Variants in SLC15A4 observed in about 807,000 individuals in gnomAD.
SLC15A4 encodes solute carrier family 15 member 4.
In SLC15A4, 26 loss-of-function variants were observed where a neutral mutation model predicts 46.1. The observed-to-expected ratio is 0.56, with a 90% CI of 0.41 to 0.78. SLC15A4 has a LOEUF of 0.78. Among genes scored for constraint, SLC15A4 ranks in the 30% least tolerant of loss-of-function variants. SLC15A4 has a pLI of 0.00. For missense variants in SLC15A4, 751 were observed against 755.7 expected, an observed-to-expected ratio of 0.99 and a Z score of 0.07; for synonymous variants, 370 against 333.4, an observed-to-expected ratio of 1.11 and a Z score of -1.20.
intron 7 of SLC15A4, among the ~76,000 whole-genome samples, chr12:128,797,703 T>C (rs546561932): frequency 6.6e-6 from 1 of 152,332 alleles, no homozygotes; most frequent in East Asian, 1.9e-4. Context: ...CCCCGGAACC[T>C]GGCCTGAGAG....
At position 128,800,942 on chromosome 12, in the gene SLC15A4, G is replaced by C; in HGVS notation, c.1326C>G (p.Val442=). 1 of 1,614,104 alleles carries C rather than the reference G, an allele frequency of 6.2e-7. No individual in the cohort carries two copies. Among genetic ancestry groups the C allele is most frequent in the Non-Finnish European group, 8.5e-7 (1 of 1,179,948 alleles). ...GCGACAGATCGGCAGCATGGTAGAC[G>C]ACGTTGCCGATGGTCTGATTAATGG... ...EKTINQTIGN[V]VYHAADLSLW... The change falls in exon 6 of 8, where the codon GTC becomes GTG. Residue 442 remains valine, a synonymous_variant. Coordinates refer to ENST00000266771, the MANE Select transcript of SLC15A4 (RefSeq NM_145648.4).
Position 128,810,009 on chromosome 12 carries a change from C to T in SLC15A4, c.945G>A (p.Val315=). Residue 315 remains valine (V), a synonymous_variant, in exon 3 of 8, where the codon GTG becomes GTA. Coordinates refer to ENST00000266771, the MANE Select transcript of SLC15A4 (RefSeq NM_145648.4). ...GPFTEEKVED[V]KALVKIVPVF... is the part of the protein sequence containing the mutation. Reference sequence around the variant, plus strand: ...CAGGGACAATCTTGACCAGAGCTTTCACATCTTCCACTTTCTCTTCTGTAA... The same window carrying T: ...CAGGGACAATCTTGACCAGAGCTTTTACATCTTCCACTTTCTCTTCTGTAA... 6.2e-7 allele frequency: 1 copy of T among 1,614,186 alleles called. No homozygotes were observed. The highest frequency in any genetic ancestry group is 8.5e-7 in the Non-Finnish European group (1 of 1,180,024).
intron 6 of SLC15A4, among the ~76,000 whole-genome samples, chr12:128,799,766 A>C (rs1955493067): frequency 6.6e-6 from 1 of 152,210 alleles, no homozygotes; most frequent in Non-Finnish European, 1.5e-5. Flanking sequence ...ATTGTCAAGG[A>C]ATGGGAGTTT....
intron 6 of SLC15A4, 44 bp downstream of exon 6, chr12:128,800,810 G>C (rs757285656): frequency 1.3e-6 from 2 of 1,571,390 alleles, no homozygotes; most frequent in Non-Finnish European, 1.7e-6. Context: ...GAGCGCTCAC[G>C]CTTGTGCCTG....
chr12:128,818,176 G>T (rs2135722805), intron 1 of SLC15A4, among the ~76,000 whole-genome samples: 1 of 152,026 alleles, frequency 6.6e-6, no homozygotes, highest in Non-Finnish European at 1.5e-5. Context: ...AAGAACGATT[G>T]TGACCTTTGA....
chr12:128,807,405 A>G lies in SLC15A4; in HGVS notation c.1258+1383T>C, dbSNP rs1566050245. Among the ~76,000 whole-genome samples, 5 of 152,344 alleles carry G rather than the reference A, an allele frequency of 3.3e-5. No individual in the cohort carries two copies. The East Asian group carries it at 9.6e-4, about 29-fold the overall frequency. On this transcript the variant is annotated intron_variant, in intron 5 of 7. Transcript: ENST00000266771. ...GGAAAGGAGCCCAAACCAAGTATCT[A>G]CTGGAAAAGCCTCCGGAAACCAAGG...
At chr12:128,815,203 T>C (rs1955734673) in intron 1 of SLC15A4, 133 bp from the exon 2 acceptor site, 2 of 838,010 alleles carry the variant, frequency 2.4e-6, no homozygotes, top group Admixed American at 5.1e-5. Flanking sequence ...CAAAATTGTG[T>C]TTACAGAAAC....
In SLC15A4 at chr12:128,794,392, C is replaced by G. The variant is rs373676845; in HGVS notation, c.1574-36G>C. On this transcript the variant is annotated intron_variant, in intron 7 of 7. Transcript: ENST00000266771. ...CAAAAGGAAAGCGGCAGGTAAGCTGCGCTGCTACAGGTATTTTTTCAAGAC... is the reference window on the plus strand; with the variant it reads ...CAAAAGGAAAGCGGCAGGTAAGCTGGGCTGCTACAGGTATTTTTTCAAGAC... 7.0e-5 allele frequency: 111 copies of G among 1,581,172 alleles called. 1 individual carries two copies. The South Asian group carries it at 1.2e-3, about 17-fold the overall frequency.
chr12:128,817,126 T>C (rs919371022), intron 1 of SLC15A4, among the ~76,000 whole-genome samples: 3 of 152,236 alleles, frequency 2.0e-5, no homozygotes, highest in Admixed American at 6.5e-5. Context: ...AAATCACTTA[T>C]TCTCAAGAGT....
At chr12:128,819,338 G>A (rs1008108481) in intron 1 of SLC15A4, among the ~76,000 whole-genome samples, 1 of 152,068 alleles carries the variant, frequency 6.6e-6, no homozygotes, top group Non-Finnish European at 1.5e-5. Flanking sequence ...AGGAGGCAGA[G>A]GTTGCAGTGA....
intron 1 of SLC15A4, among the ~76,000 whole-genome samples, chr12:128,816,609 C>T (rs1213264813): frequency 6.6e-6 from 1 of 152,164 alleles, no homozygotes; most frequent in Non-Finnish European, 1.5e-5. Context: ...GGCAGGCAGA[C>T]CGCTTGGGTC....
Position 128,823,515 on chromosome 12 carries a change from C to A in SLC15A4, c.429G>T (p.Ala143=), listed in dbSNP as rs778758147. ...CGSARLLNCT[A]PGPDAAARCC... is the part of the protein sequence containing the mutation. Reference sequence around the variant, plus strand: ...AGCGGGCGGCGGCGTCGGGACCAGGCGCCGTGCAGTTGAGCAGGCGCGCGG... The same window carrying A: ...AGCGGGCGGCGGCGTCGGGACCAGGAGCCGTGCAGTTGAGCAGGCGCGCGG... The change falls in exon 1 of 8, where the codon GCG becomes GCT. Residue 143 remains alanine (A), a synonymous_variant. Transcript: ENST00000266771. 41 of 1,481,778 alleles carry A rather than the reference C, an allele frequency of 2.8e-5. No individual in the cohort carries two copies. In the South Asian group the frequency reaches 5.1e-4, roughly 18 times the overall value. The allele number at this position is 1,481,778 out of a possible 1,614,324, so 91.8% of individuals were successfully genotyped here.
chr12:128,810,184 T>C (rs1370254127), intron 2 of SLC15A4, 73 bp from the exon 3 acceptor site: 1 of 1,514,088 alleles, frequency 6.6e-7, no homozygotes, highest in Non-Finnish European at 9.0e-7. Context: ...CAAATTAAGT[T>C]TGGAGGTAAG....
At chr12:128,822,805 G>A (rs1219133830) in intron 1 of SLC15A4, among the ~76,000 whole-genome samples, 1 of 151,994 alleles carries the variant, frequency 6.6e-6, no homozygotes, top group Non-Finnish European at 1.5e-5. Flanking sequence ...CAAAGTGTTG[G>A]GATTACAGGC....
In SLC15A4 at chr12:128,794,367, C is replaced by T; in HGVS notation, c.1574-11G>A. 3.2e-6 allele frequency: 5 copies of T among 1,572,100 alleles called. No homozygotes were observed. The highest frequency in any genetic ancestry group is 4.3e-6 in the Non-Finnish European group (5 of 1,167,874). On this transcript the variant is annotated splice_polypyrimidine_tract_variant and intron_variant, in intron 7 of 7. Transcript: ENST00000266771. ...AGCCGTTAATATTACCTGGAGAAAA[C>T]AAAAGGAAAGCGGCAGGTAAGCTGC... is the stretch of plus-strand genomic sequence containing the variant.
At chr12:128,811,550 G>A (rs914989009) in intron 2 of SLC15A4, among the ~76,000 whole-genome samples, 1 of 152,110 alleles carries the variant, frequency 6.6e-6, no homozygotes, top group African/African-American at 2.4e-5. Context: ...AGTCTAGTGG[G>A]GGAAAATAAT....
chr12:128,794,237 G>T lies in SLC15A4; in HGVS notation c.1693C>A (p.Arg565=). Residue 565 remains arginine (R), a synonymous_variant, in exon 8 of 8, where the codon CGA becomes AGA. Coordinates refer to ENST00000266771, the MANE Select transcript of SLC15A4 (RefSeq NM_145648.4). Reference sequence around the variant, plus strand: ...GTGGGCACGCCATTGGCTCTTGATCGCTGATGGTCTCGATGATGGTCATAT... The same window carrying T: ...GTGGGCACGCCATTGGCTCTTGATCTCTGATGGTCTCGATGATGGTCATAT... ...VKYDHHRDHQ[R]SRANGVPTSR... is the part of the protein sequence containing the mutation. The T allele has an allele frequency of 6.2e-7, 1 of 1,613,730 alleles. No homozygotes were observed. Among genetic ancestry groups the T allele is most frequent in the Non-Finnish European group, 8.5e-7 (1 of 1,179,756 alleles).
At chr12:128,799,040 A>G (rs914230020) in intron 7 of SLC15A4, among the ~76,000 whole-genome samples, 1 of 152,076 alleles carries the variant, frequency 6.6e-6, no homozygotes, top group Non-Finnish European at 1.5e-5. Context: ...GGCCCCTGGG[A>G]TGAGAAGAGA....
At chr12:128,805,121 G>A (rs891359193) in intron 5 of SLC15A4, among the ~76,000 whole-genome samples, 13 of 152,054 alleles carry the variant, frequency 8.5e-5, no homozygotes, top group African/African-American at 1.7e-4. Flanking sequence ...AAAGGCAGCC[G>A]GGGGGAGATG....
Sources: allele counts gnomAD v4.1 joint callset (sites outside exome capture counted in the v4.1 genomes callset), GRCh38; gene constraint gnomAD v4.1.1; transcripts MANE v1.5; gene names NCBI Gene and HGNC (gene_info 2026-07-23, HGNC 2026-07-21).